Variants in FARSB observed in about 807,000 individuals in gnomAD.
FARSB encodes phenylalanine--tRNA ligase beta subunit.
Under a neutral mutation model 69.6 loss-of-function variants are expected in FARSB, and 40 were observed. That is an observed-to-expected ratio of 0.57 (90% CI 0.45 to 0.75). The LOEUF (loss-of-function observed/expected upper bound fraction) is 0.75, where lower values mean the gene tolerates loss of function less well. Among genes scored for constraint, FARSB ranks in the 30% least tolerant of loss-of-function variants. The probability of loss-of-function intolerance (pLI) is 0.00; values close to 1 mark genes in which losing one functional copy is unlikely to be tolerated. For missense variants in FARSB, 632 were observed against 722.9 expected, an observed-to-expected ratio of 0.87 and a Z score of 1.44; for synonymous variants, 235 against 247.2, an observed-to-expected ratio of 0.95 and a Z score of 0.46.
chr2:222,641,088 CA>C (rs373323685), intron 3 of FARSB, among the ~76,000 whole-genome samples, 157 bp from the exon 4 acceptor site: 43 of 133,470 alleles, frequency 3.2e-4, no homozygotes, highest in Non-Finnish European at 5.1e-4. Context: ...AAAAAAAAAA[CA>C]AAAAAAAAAA....
intron 3 of FARSB, 136 bp downstream of exon 3, chr2:222,642,715 T>C (rs1691753143): frequency 1.8e-6 from 1 of 541,266 alleles, no homozygotes; most frequent in Non-Finnish European, 3.1e-6. Context: ...ATTCCTCAAA[T>C]CAACCCTCTA....
At chr2:222,615,657 C>T (rs1690977586) in intron 14 of FARSB, among the ~76,000 whole-genome samples, 1 of 152,198 alleles carries the variant, frequency 6.6e-6, no homozygotes, top group African/African-American at 2.4e-5. Context: ...TTCTCTCCTA[C>T]AGAGGTTTGC....
rs565073436 is a variant in FARSB, at chr2:222,592,771, T to C, written c.1618+7157A>G. ...TATATACAGCTGGATGTAAATACAG[T>C]AGTCTCCATTTATATGCAGTTTTTC... On this transcript the variant is annotated intron_variant, in intron 16 of 16. Transcript: ENST00000281828. Among the ~76,000 whole-genome samples the C allele has an allele frequency of 6.6e-5, 10 of 151,804 alleles. No individual in the cohort carries two copies. The South Asian group carries it at 1.7e-3, about 25-fold the overall frequency.
At chr2:222,585,589 A>T (rs942171044) in intron 16 of FARSB, among the ~76,000 whole-genome samples, 2 of 152,238 alleles carry the variant, frequency 1.3e-5, no homozygotes, top group African/African-American at 4.8e-5. Flanking sequence ...CTAAAGGAGG[A>T]TGCTCGAACA....
intron 5 of FARSB, among the ~76,000 whole-genome samples, chr2:222,637,926 A>G (rs1336545404): frequency 6.6e-6 from 1 of 152,020 alleles, no homozygotes; most frequent in Admixed American, 6.6e-5. Flanking sequence ...TGGAGTTACA[A>G]TGAGATGATC....
intron 16 of FARSB, among the ~76,000 whole-genome samples, chr2:222,586,952 A>C (rs1690130959): frequency 6.6e-6 from 1 of 152,204 alleles, no homozygotes; most frequent in Non-Finnish European, 1.5e-5. Flanking sequence ...GATCAATGAG[A>C]CAGAAAGTTA....
intron 16 of FARSB, 40 bp downstream of exon 16, chr2:222,599,888 G>A (rs774439903): frequency 1.3e-6 from 2 of 1,491,760 alleles, no homozygotes; most frequent in African/African-American, 1.4e-5. Flanking sequence ...GCCTCTTCCT[G>A]ACACTGTCAC....
intron 16 of FARSB, among the ~76,000 whole-genome samples, chr2:222,587,357 A>G (rs1690143266): frequency 6.6e-6 from 1 of 152,206 alleles, no homozygotes; most frequent in African/African-American, 2.4e-5. Context: ...CATTTAAAGC[A>G]GTGTGTAGAG....
intron 15 of FARSB, among the ~76,000 whole-genome samples, chr2:222,609,445 T>C (rs1353056305): frequency 6.6e-6 from 1 of 152,248 alleles, no homozygotes; most frequent in Non-Finnish European, 1.5e-5. Flanking sequence ...CTGCGTCTGC[T>C]GACTTCCTTG....
At chr2:222,621,003 A>T (rs1451046676) in intron 13 of FARSB, among the ~76,000 whole-genome samples, 3 of 152,234 alleles carry the variant, frequency 2.0e-5, no homozygotes, top group Admixed American at 1.3e-4. Context: ...GAATGGTGAC[A>T]TGCACACTGG....
In FARSB at chr2:222,570,444, T is replaced by C. The variant is rs1239147697; in HGVS notation, c.*1427A>G. On this transcript the variant is annotated 3_prime_UTR_variant, in exon 17 of 17. Coordinates refer to ENST00000281828, the MANE Select transcript of FARSB (RefSeq NM_005687.5). ...GCTGCCCCAATTCAAGGTTGTAATA[T>C]GGTCAGGTTTTCTCCTAGTAGTAGA... 1 of 152,194 alleles carries C rather than the reference T, an allele frequency of 6.6e-6. No individual in the cohort carries two copies. The highest frequency in any genetic ancestry group is 6.5e-5 in the Admixed American group (1 of 15,278). 9.4% of individuals were successfully genotyped at this position (152,194 alleles called of 1,614,324 possible). A position where few individuals can be genotyped will look rare whatever the true frequency, so the allele number is the denominator to read the frequency against.
chr2:222,642,905 T>C lies in FARSB; in HGVS notation c.215A>G (p.Tyr72Cys), dbSNP rs200734924. 6.2e-7 allele frequency: 1 copy of C among 1,613,178 alleles called. No individual in the cohort carries two copies. Among genetic ancestry groups the C allele is most frequent in the African/African-American group, 1.3e-5 (1 of 75,044 alleles). Reference protein sequence around the residue: ...LYKIDVPANRYDLLCLEGLVR... With the variant: ...LYKIDVPANRCDLLCLEGLVR... ...CAATCCTTCCAGACACAGGAGATCA[T>C]ATCTATTGGCAGGGACGTCAATTTT... The change falls in exon 3 of 17, where the codon TAT (tyrosine) becomes TGT (cysteine). Residue 72 changes from tyrosine to cysteine, a missense_variant. Tyr to Cys is a radical substitution (Grantham distance 194, BLOSUM62 -2). Transcript: ENST00000281828.
intron 1 of FARSB, among the ~76,000 whole-genome samples, chr2:222,655,399 C>A (rs182979354): frequency 3.3e-4 from 51 of 152,248 alleles, no homozygotes; most frequent in Admixed American, 2.9e-3. Context: ...TAAAGTTGTT[C>A]TTGGCACAAC....
At chr2:222,626,632 T>A (rs1691282154) in intron 10 of FARSB, among the ~76,000 whole-genome samples, 1 of 152,192 alleles carries the variant, frequency 6.6e-6, no homozygotes, top group Non-Finnish European at 1.5e-5. Context: ...ATAAATGATT[T>A]TAAGGGTTTA....
At chr2:222,615,288 T>C (rs1382788213) in intron 14 of FARSB, among the ~76,000 whole-genome samples, 1 of 152,234 alleles carries the variant, frequency 6.6e-6, no homozygotes, top group Non-Finnish European at 1.5e-5. Context: ...CTGCATAACA[T>C]TCTTAAGCTG....
intron 14 of FARSB, among the ~76,000 whole-genome samples, chr2:222,615,759 G>A (rs1047039026): frequency 2.0e-5 from 3 of 152,138 alleles, no homozygotes; most frequent in Admixed American, 1.3e-4. Context: ...TGTTTTGAAT[G>A]AAAAAGAGAA....
chr2:222,648,006 G>A lies in FARSB; in HGVS notation c.114+734C>T, dbSNP rs187585570. On this transcript the variant is annotated intron_variant, in intron 2 of 16. Transcript: ENST00000281828. Reference sequence around the variant, plus strand: ...TTCCCAGATGATGCTGCTGGCCTGCGGACTGTACTTTGTGAACTTATGCTG... The same window carrying A: ...TTCCCAGATGATGCTGCTGGCCTGCAGACTGTACTTTGTGAACTTATGCTG... Among the ~76,000 whole-genome samples the A allele has an allele frequency of 3.3e-3, 497 of 152,160 alleles. 2 individuals are homozygous for A. Among genetic ancestry groups the A allele is most frequent in the African/African-American group, 0.011 (474 of 41,500 alleles).
chr2:222,632,813 CA>C (rs1175757131), intron 7 of FARSB, among the ~76,000 whole-genome samples: 2 of 126,870 alleles, frequency 1.6e-5, no homozygotes, highest in Non-Finnish European at 3.3e-5. Flanking sequence ...GAGCCTGTCT[CA>C]AAAACAAAAC....
intron 16 of FARSB, among the ~76,000 whole-genome samples, chr2:222,585,194 T>C (rs888616749): frequency 2.0e-4 from 31 of 152,236 alleles, no homozygotes; most frequent in Non-Finnish European, 3.7e-4. Context: ...ATATTTGCTG[T>C]TCTGCAGCCT....
Sources: allele counts gnomAD v4.1 joint callset (sites outside exome capture counted in the v4.1 genomes callset), GRCh38; gene constraint gnomAD v4.1.1; transcripts MANE v1.5; gene names NCBI Gene and HGNC (gene_info 2026-07-23, HGNC 2026-07-21).